The following UPK3B variants were observed in gnomAD, a reference collection of about 807,000 sequenced individuals.
UPK3B encodes the protein uroplakin 3B.
A neutral mutation model predicts 27.6 loss-of-function variants in UPK3B; 21 were observed. That is an observed-to-expected ratio of 0.76 (90% CI 0.54 to 1.10). UPK3B has a LOEUF of 1.10. Among genes scored for constraint, UPK3B ranks in the 50% least tolerant of loss-of-function variants. UPK3B has a pLI of 0.00. For missense variants in UPK3B, 306 were observed against 376.1 expected (o/e 0.81, Z 1.54); for synonymous variants, 141 against 162.3 (o/e 0.87, Z 1.00).
chr7:76,511,124 C>T, intron 2 of UPK3B, 72 bp downstream of exon 2: 12 of 1,431,898 alleles, frequency 8.4e-6, no homozygotes, highest in South Asian at 1.5e-5. Flanking sequence ...GAGCCCCTCA[C>T]CAGCAAGCGC....
At chr7:76,513,195 G>GT (rs1183885873) in intron 4 of UPK3B, 32 bp downstream of exon 4, 1 of 1,595,720 alleles carries the variant, frequency 6.3e-7, no homozygotes, top group Non-Finnish European at 8.6e-7. Flanking sequence ...GCTGCCCCCA[G>GT]TGGACTCACG....
At position 76,510,742 on chromosome 7, in the gene UPK3B, G is replaced by A. The variant is rs756513385; in HGVS notation, c.85+5G>A. 3 of 1,530,574 alleles carry A rather than the reference G, an allele frequency of 2.0e-6. No homozygotes were observed. In the Admixed American group the frequency reaches 6.1e-5, roughly 31 times the overall value. 94.8% of individuals were successfully genotyped at this position (1,530,574 alleles called of 1,614,324 possible). A position where few individuals can be genotyped will look rare whatever the true frequency, so the allele number is the denominator to read the frequency against. ...TCCGGCCCAGCCTGAGCCTGGGTGA[G>A]TGGGGGTCCTGGATGGACGCGTCCA... On this transcript the variant is annotated splice_donor_5th_base_variant and intron_variant, in intron 1 of 5. Coordinates refer to ENST00000334348, the MANE Select transcript of UPK3B (RefSeq NM_001347684.2).
Position 76,515,054 on chromosome 7 carries a change from G to T in UPK3B, c.681G>T (p.Leu227=), listed in dbSNP as rs1427916919. 6.3e-7 allele frequency: 1 copy of T among 1,580,982 alleles called. No homozygotes were observed. The highest frequency in any genetic ancestry group is 1.2e-5 in the South Asian group (1 of 86,676). The part of the protein sequence containing the change: ...LAASTMRFSS[L]WWPEEAPEQL... The stretch of plus-strand genomic sequence containing the variant: ...TCCTCTCCCCGCCCAGCTCCAGCCT[G>T]TGGTGGCCGGAGGAGGCCCCGGAGC... Residue 227 remains leucine, a synonymous_variant, in exon 6 of 6, where the codon CTG becomes CTT. Transcript: ENST00000334348.
In UPK3B at chr7:76,511,993, C is replaced by T. The variant is rs1309506809; in HGVS notation, c.461+111C>T. On this transcript the variant is annotated intron_variant, in intron 3 of 5. Coordinates refer to ENST00000334348, the MANE Select transcript of UPK3B (RefSeq NM_001347684.2). ...CTTTCCAGGGAGGGGTCCCCGGCCC[C>T]GGTCCTCCCCTTTGCAAGCCCGGGC... 4.2e-5 allele frequency: 21 copies of T among 498,136 alleles called. 1 individual carries two copies. The highest frequency in any genetic ancestry group is 1.6e-4 in the South Asian group (5 of 32,110). The allele number at this position is 498,136 out of a possible 1,614,324, so 30.9% of individuals were successfully genotyped here. A position where few individuals can be genotyped will look rare whatever the true frequency, so the allele number is the denominator to read the frequency against.
At position 76,514,063 on chromosome 7, in the gene UPK3B, T is replaced by A. The variant is rs1812640536; in HGVS notation, c.658T>A (p.Ser220Thr). 1.2e-6 allele frequency: 2 copies of A among 1,614,042 alleles called. No individual in the cohort carries two copies. ...CCTACTCTTGGCCTTCTTGGCAGCC[T>A]CTACCATGCGCTTGTGAGTGGGGAC... is the stretch of plus-strand genomic sequence containing the variant. ...GLLLLAFLAA[S>T]TMRFSSLWWP... Residue 220 changes from serine (S) to threonine (T), a missense_variant, in exon 5 of 6, where the codon TCT becomes ACT. Ser to Thr is a moderately conservative substitution (Grantham distance 58). Transcript: ENST00000334348.
intron 5 of UPK3B, among the ~76,000 whole-genome samples, chr7:76,514,361 C>A (rs957574178): frequency 1.3e-5 from 2 of 152,108 alleles, no homozygotes; most frequent in African/African-American, 4.8e-5. Context: ...GAACTCCCAC[C>A]CTGAGTATCT....
At position 76,515,794 on chromosome 7, in the gene UPK3B, A is replaced by G; in HGVS notation, c.*590A>G. The G allele has an allele frequency of 1.8e-5, 11 of 612,804 alleles. 4 individuals are homozygous for G. Among genetic ancestry groups the G allele is most frequent in the Non-Finnish European group, 2.1e-5 (11 of 530,912 alleles). The allele number at this position is 612,804 out of a possible 1,614,324, so 38.0% of individuals were successfully genotyped here. ...GCCACCACCTCCAACCCTCTTGTGC[A>G]TATGGATGGCTCTAGCCCTTATCCA... On this transcript the variant is annotated 3_prime_UTR_variant, in exon 6 of 6. Transcript: ENST00000334348.
chr7:76,513,140 C>T lies in UPK3B; in HGVS notation c.518C>T (p.Ser173Leu), dbSNP rs776762023. 5.0e-6 allele frequency: 8 copies of T among 1,613,706 alleles called. No homozygotes were observed. Among genetic ancestry groups the T allele is most frequent in the Non-Finnish European group, 6.8e-6 (8 of 1,179,924 alleles). Residue 173 changes from serine to leucine, a missense_variant, in exon 4 of 6, where the codon TCA becomes TTA. Coordinates refer to ENST00000334348, the MANE Select transcript of UPK3B (RefSeq NM_001347684.2). Reference protein sequence around the residue: ...RGSPRAETKWSDPITLHQGKT... With the variant: ...RGSPRAETKWLDPITLHQGKT... ...TCACCCAGGGCTGAGACCAAGTGGT[C>T]AGACCCCATCACTCTCCACCAAGGT... is the stretch of plus-strand genomic sequence containing the variant.
intron 3 of UPK3B, 110 bp from the exon 4 acceptor site, chr7:76,512,974 C>T (rs1812587893): frequency 1.2e-6 from 1 of 842,100 alleles, no homozygotes; most frequent in African/African-American, 1.7e-5. Flanking sequence ...GGCACCCCCA[C>T]TCCACATCCA....
chr7:76,515,855 T>C lies in UPK3B; in HGVS notation c.*651T>C. 2 of 610,518 alleles carry C rather than the reference T, an allele frequency of 3.3e-6. 1 individual carries two copies. The highest frequency in any genetic ancestry group is 3.8e-6 in the Non-Finnish European group (2 of 529,240). 37.8% of individuals were successfully genotyped at this position (610,518 alleles called of 1,614,324 possible). A position where few individuals can be genotyped will look rare whatever the true frequency, so the allele number is the denominator to read the frequency against. On this transcript the variant is annotated 3_prime_UTR_variant, in exon 6 of 6. Coordinates refer to ENST00000334348, the MANE Select transcript of UPK3B (RefSeq NM_001347684.2). Reference sequence around the variant, plus strand: ...CATTTATTAAGCATCTGCTGTATGCTACATACAGTGTTAGACTTGGGGCTT... The same window carrying C: ...CATTTATTAAGCATCTGCTGTATGCCACATACAGTGTTAGACTTGGGGCTT...
chr7:76,514,922 AAAG>A (rs1313512387), intron 5 of UPK3B, 120 bp from the exon 6 acceptor site: 1 of 1,258,928 alleles, frequency 7.9e-7, no homozygotes, highest in Non-Finnish European at 1.1e-6. Context: ...AAAAAAAAAA[AAAG>A]AAAAGAGAGA....
rs1812722093 is a variant in UPK3B at position 76,516,293 on chromosome 7, C to A, written c.*1089C>A. Reference sequence around the variant, plus strand: ...TCACGCCTGAGAGCCCACTGCGTGCCATGCAGTCCGCACAGCCGCAGCGGT... The same window carrying A: ...TCACGCCTGAGAGCCCACTGCGTGCAATGCAGTCCGCACAGCCGCAGCGGT... On this transcript the variant is annotated 3_prime_UTR_variant, in exon 6 of 6. Coordinates refer to ENST00000334348, the MANE Select transcript of UPK3B (RefSeq NM_001347684.2). 5 of 612,266 alleles carry A rather than the reference C, an allele frequency of 8.2e-6. 2 individuals are homozygous for A. In the South Asian group the frequency reaches 4.4e-4, roughly 54 times the overall value. The allele number at this position is 612,266 out of a possible 1,614,324, so 37.9% of individuals were successfully genotyped here.
At position 76,513,986 on chromosome 7, in the gene UPK3B, G is replaced by C. The variant is rs773737981; in HGVS notation, c.581G>C (p.Arg194Pro). The change falls in exon 5 of 6, where the codon CGA becomes CCA. Residue 194 changes from arginine (R) to proline (P), a missense_variant. Arg to Pro is a moderately radical substitution (Grantham distance 103, BLOSUM62 -2). This residue lies in a region of UPK3B where 174 missense variants were observed against 166.6 expected (regional missense o/e 1.04). Coordinates refer to ENST00000334348, the MANE Select transcript of UPK3B (RefSeq NM_001347684.2). ...TCCATCGACACCTGGCCAGGGCGGC[G>C]AAGTGGCAGCATGATCGTCATTACC... is the stretch of plus-strand genomic sequence containing the variant. ...PGSIDTWPGR[R>P]SGSMIVITSI... 3 of 1,613,894 alleles carry C rather than the reference G, an allele frequency of 1.9e-6. No individual in the cohort carries two copies. Among genetic ancestry groups the C allele is most frequent in the Non-Finnish European group, 2.5e-6 (3 of 1,179,932 alleles).
chr7:76,515,293 C>A lies in UPK3B; in HGVS notation c.*89C>A, dbSNP rs1249134158. 6.5e-7 allele frequency: 1 copy of A among 1,534,916 alleles called. No individual in the cohort carries two copies. The highest frequency in any genetic ancestry group is 8.8e-7 in the Non-Finnish European group (1 of 1,138,028). The stretch of plus-strand genomic sequence containing the variant: ...CCCAGCTCCTGCACCCACAGGCCCC[C>A]TCAGGGCTCCTTGCCTTTCCCCCCC... On this transcript the variant is annotated 3_prime_UTR_variant, in exon 6 of 6. Transcript: ENST00000334348.
In UPK3B at chr7:76,513,915, G is replaced by C. The variant is rs189605703; in HGVS notation, c.542-32G>C. 14,611 of 1,612,812 alleles carry C rather than the reference G, an allele frequency of 9.1e-3. 104 individuals carry two copies. The highest frequency in any genetic ancestry group is 0.01 in the Non-Finnish European group (12,095 of 1,179,308). On this transcript the variant is annotated intron_variant, in intron 4 of 5. Coordinates refer to ENST00000334348, the MANE Select transcript of UPK3B (RefSeq NM_001347684.2). ...TGACAGCCAGCCCTGGGGTCGAGGG[G>C]CAGCCCCTCTGAGCAGCTGGTGTGT...
Position 76,513,143 on chromosome 7 carries a change from A to T in UPK3B, c.521A>T (p.Asp174Val), listed in dbSNP as rs1238603161. ...GSPRAETKWS[D>V]PITLHQGKTP... ...CCCAGGGCTGAGACCAAGTGGTCAG[A>T]CCCCATCACTCTCCACCAAGGTAGC... Residue 174 changes from aspartate to valine, a missense_variant, in exon 4 of 6, where the codon GAC becomes GTC. This residue lies in a region of UPK3B where 174 missense variants were observed against 166.6 expected (regional missense o/e 1.04). Coordinates refer to ENST00000334348, the MANE Select transcript of UPK3B (RefSeq NM_001347684.2). 1 of 1,613,606 alleles carries T rather than the reference A, an allele frequency of 6.2e-7. No homozygotes were observed. Among genetic ancestry groups the T allele is most frequent in the African/African-American group, 1.3e-5 (1 of 74,912 alleles).
chr7:76,510,729 T>C lies in UPK3B; in HGVS notation c.77T>C (p.Leu26Pro). 6.6e-7 allele frequency: 1 copy of C among 1,522,540 alleles called. No individual in the cohort carries two copies. Among genetic ancestry groups the C allele is most frequent in the East Asian group, 2.3e-5 (1 of 43,920 alleles). The allele number at this position is 1,522,540 out of a possible 1,614,324, so 94.3% of individuals were successfully genotyped here. A position where few individuals can be genotyped will look rare whatever the true frequency, so the allele number is the denominator to read the frequency against. ...LLALNCLRPSLSLELVPYTPQ... is the reference protein window; with the variant it reads ...LLALNCLRPSPSLELVPYTPQ... ...GCGTTGAACTGTCTCCGGCCCAGCC[T>C]GAGCCTGGGTGAGTGGGGGTCCTGG... Residue 26 changes from leucine (L) to proline (P), a missense_variant, in exon 1 of 6, where the codon CTG becomes CCG. Leu to Pro is a moderately conservative substitution (Grantham distance 98). Around this residue, in one of 4 missense-constraint regions of UPK3B, gnomAD observed 33 missense variants for 30.9 expected, o/e 1.07. Coordinates refer to ENST00000334348, the MANE Select transcript of UPK3B (RefSeq NM_001347684.2).
chr7:76,513,613 C>T (rs2286990), intron 4 of UPK3B, among the ~76,000 whole-genome samples: 54,702 of 151,644 alleles, frequency 0.36, 10,491 homozygotes, highest in East Asian at 0.43. Flanking sequence ...TCCTGGGAGA[C>T]GGCTTCAGAG....
At position 76,513,369 on chromosome 7, in the gene UPK3B, C is replaced by T. The variant is rs1259172804; in HGVS notation, c.541+206C>T. Among the ~76,000 whole-genome samples the T allele has an allele frequency of 6.6e-5, 10 of 152,178 alleles. No homozygotes were observed. In the East Asian group the frequency reaches 1.2e-3, roughly 18 times the overall value. ...GGCAGGGGCACCATCTCGGCCCATC[C>T]GCAAGCGTTTGCCACATTGTGGGCA... On this transcript the variant is annotated intron_variant, in intron 4 of 5. Coordinates refer to ENST00000334348, the MANE Select transcript of UPK3B (RefSeq NM_001347684.2).
Sources: gnomAD v4.1 joint callset for allele counts (sites outside exome capture counted in the v4.1 genomes callset) on GRCh38, gnomAD v4.1.1 for gene constraint, gnomAD v4.1.1 regional missense constraint, MANE v1.5 for transcripts, NCBI Gene and HGNC (gene_info 2026-07-23, HGNC 2026-07-21) for gene names.